The following PPP3CB variants were observed in gnomAD, a reference collection of about 807,000 sequenced individuals.
PPP3CB encodes the protein protein phosphatase 3 catalytic subunit beta, also known as serine/threonine-protein phosphatase 2B catalytic subunit beta isoform.
A neutral mutation model predicts 66.4 loss-of-function variants in PPP3CB; 8 were observed. The ratio of observed to expected loss-of-function variants is 0.12; its 90% CI spans 0.07 to 0.22. The LOEUF (loss-of-function observed/expected upper bound fraction) is 0.22. Ranked by LOEUF, PPP3CB falls within the 10% of genes least tolerant of loss-of-function variation. PPP3CB has a pLI of 1.00. For missense variants in PPP3CB, 319 were observed against 642.5 expected (o/e 0.50, Z 5.44); for synonymous variants, 208 against 221.2 (o/e 0.94, Z 0.53).
At chr10:73,467,493 G>C in intron 9 of PPP3CB, 60 bp downstream of exon 9, 1 of 1,315,046 alleles carries the variant, frequency 7.6e-7, no homozygotes, top group African/African-American at 1.5e-5. Flanking sequence ...GCCTATGATA[G>C]TAAACTGGAG....
At chr10:73,451,936 A>AG (rs900896241) in intron 10 of PPP3CB, among the ~76,000 whole-genome samples, 5 of 151,562 alleles carry the variant, frequency 3.3e-5, no homozygotes, top group Admixed American at 1.3e-4. Context: ...TGGTAGAGAC[A>AG]GGGTTTCACC....
At chr10:73,479,969 C>T (rs1465531637) in intron 1 of PPP3CB, among the ~76,000 whole-genome samples, 1 of 151,986 alleles carries the variant, frequency 6.6e-6, no homozygotes, top group African/African-American at 2.4e-5. Context: ...GGAGACCAGC[C>T]TGGGCAACAC....
chr10:73,452,529 C>T (rs1472822910), intron 10 of PPP3CB, among the ~76,000 whole-genome samples: 1 of 151,982 alleles, frequency 6.6e-6, no homozygotes, highest in African/African-American at 2.4e-5. Flanking sequence ...AACCCCATCT[C>T]TACTAAAAAT....
At position 73,471,490 on chromosome 10, in the gene PPP3CB, T is replaced by C; in HGVS notation, c.647A>G (p.His216Arg). The C allele has an allele frequency of 3.1e-6, 5 of 1,610,510 alleles. No homozygotes were observed. The highest frequency in any genetic ancestry group is 1.1e-5 in the South Asian group (1 of 90,070). ...CVHGGLSPEIHTLDDIRRLDR... is the reference protein window; with the variant it reads ...CVHGGLSPEIRTLDDIRRLDR... ...TACTCTCCTAATATCATCCAGTGTG[T>C]GTATTTCTGGTGAAAGTCCACCATG... is the stretch of plus-strand genomic sequence containing the variant. The change falls in exon 5 of 14, where the codon CAC becomes CGC. Residue 216 changes from histidine (H) to arginine (R), a missense_variant. This residue lies in a region of PPP3CB where 19 missense variants were observed against 17.0 expected (regional missense o/e 1.12). Transcript: ENST00000360663.
intron 1 of PPP3CB, among the ~76,000 whole-genome samples, chr10:73,493,272 T>C (rs2057108677): frequency 1.5e-5 from 2 of 132,710 alleles, no homozygotes; most frequent in Admixed American, 7.2e-5. Context: ...TGAAACTCCG[T>C]CTCAAAAAAA....
intron 12 of PPP3CB, among the ~76,000 whole-genome samples, chr10:73,441,824 T>A (rs2056154669): frequency 6.6e-6 from 1 of 152,096 alleles, no homozygotes; most frequent in African/African-American, 2.4e-5. Context: ...AAAATCCACC[T>A]CCAATAGAGT....
At chr10:73,462,331 C>G (rs1042083056) in intron 9 of PPP3CB, among the ~76,000 whole-genome samples, 1 of 151,396 alleles carries the variant, frequency 6.6e-6, no homozygotes, top group Non-Finnish European at 1.5e-5. Flanking sequence ...GCCCTCTTTT[C>G]TTTATACAAT....
Position 73,495,924 on chromosome 10 carries a change from G to A in PPP3CB, c.-35C>T. ...GGGGCTCGGCTAGGCTCTGGGCCGG[G>A]CGGGGTTGGGGGCGGGGGCGGCGGC... On this transcript the variant is annotated 5_prime_UTR_variant, in exon 1 of 14. Transcript: ENST00000360663. The A allele has an allele frequency of 9.1e-7, 1 of 1,095,288 alleles. No homozygotes were observed. Among genetic ancestry groups the A allele is most frequent in the Non-Finnish European group, 1.2e-6 (1 of 866,950 alleles). 67.8% of individuals were successfully genotyped at this position (1,095,288 alleles called of 1,614,324 possible). A position where few individuals can be genotyped will look rare whatever the true frequency, so the allele number is the denominator to read the frequency against.
chr10:73,442,712 T>C (rs755366881), intron 12 of PPP3CB, among the ~76,000 whole-genome samples: 4 of 151,728 alleles, frequency 2.6e-5, no homozygotes, highest in Non-Finnish European at 4.4e-5. Flanking sequence ...TCAAAGCAGG[T>C]TGTTTTTTTT....
intron 9 of PPP3CB, among the ~76,000 whole-genome samples, chr10:73,460,296 CACAGT>C (rs1413184488): frequency 7.2e-6 from 1 of 139,082 alleles, no homozygotes; most frequent in African/African-American, 2.8e-5. Flanking sequence ...AAAGTCACAG[CACAGT>C]AGTTAGAAAA....
At chr10:73,443,266 GAGAAAGAAAGAAAGAAAGACAGAAAGAA>G (rs2056184874) in intron 12 of PPP3CB, among the ~76,000 whole-genome samples, 3 of 64,518 alleles carry the variant, frequency 4.6e-5, no homozygotes, top group African/African-American at 8.9e-5. Flanking sequence ...GAGAGAGAGA[GAGAAAGAAAGAAAGAAAGACAGAAAGAA>G]AGAAAGAAAG....
At chr10:73,488,552 TAAA>T (rs74262587) in intron 1 of PPP3CB, among the ~76,000 whole-genome samples, 30 of 84,710 alleles carry the variant, frequency 3.5e-4, no homozygotes, top group Non-Finnish European at 4.2e-4. Context: ...TCTTGAGGGT[TAAA>T]AAAAAAAAAA....
chr10:73,453,323 T>C (rs1460940742), intron 10 of PPP3CB, among the ~76,000 whole-genome samples: 1 of 150,860 alleles, frequency 6.6e-6, no homozygotes, highest in Non-Finnish European at 1.5e-5. Context: ...AAAGCTATTA[T>C]ACAAATATGT....
chr10:73,464,307 T>C (rs2056581469), intron 9 of PPP3CB, among the ~76,000 whole-genome samples: 1 of 152,156 alleles, frequency 6.6e-6, no homozygotes, highest in African/African-American at 2.4e-5. Context: ...CATCTTATTA[T>C]CATTATTTAT....
intron 9 of PPP3CB, among the ~76,000 whole-genome samples, chr10:73,464,382 A>T (rs2056582639): frequency 6.6e-6 from 1 of 152,176 alleles, no homozygotes; most frequent in South Asian, 2.1e-4. Context: ...TTTCCTTGGT[A>T]CCTTGAATAA....
rs539728108 is a variant in PPP3CB at position 73,443,294 on chromosome 10, A to C, written c.1366+1431T>G. 4.3e-3 allele frequency among the ~76,000 whole-genome samples: 564 copies of C among 131,768 alleles called. 2 individuals carry two copies. The highest frequency in any genetic ancestry group is 0.016 in the African/African-American group (452 of 28,586). 86.4% of individuals were successfully genotyped at this position (131,768 alleles called of 152,430 possible). On this transcript the variant is annotated intron_variant, in intron 12 of 13. Coordinates refer to ENST00000360663, the MANE Select transcript of PPP3CB (RefSeq NM_021132.4). Reference sequence around the variant, plus strand: ...AAAGAAAGAAAGAAAGACAGAAAGAAAGAAAGAAAGAAAGAAAGAAAGAAA... The same window carrying C: ...AAAGAAAGAAAGAAAGACAGAAAGACAGAAAGAAAGAAAGAAAGAAAGAAA...
At chr10:73,479,863 C>T (rs1221709164) in intron 1 of PPP3CB, among the ~76,000 whole-genome samples, 2 of 151,994 alleles carry the variant, frequency 1.3e-5, no homozygotes, top group African/African-American at 2.4e-5. Context: ...AAATGAAGTA[C>T]AATAAATATA....
intron 1 of PPP3CB, among the ~76,000 whole-genome samples, chr10:73,491,556 C>T (rs532939533): frequency 6.6e-6 from 1 of 152,242 alleles, no homozygotes; most frequent in South Asian, 2.1e-4. Flanking sequence ...GATAAGTCCA[C>T]AAAATAGACT....
At chr10:73,473,768 A>G (rs753364159) in intron 4 of PPP3CB, among the ~76,000 whole-genome samples, 1 of 152,198 alleles carries the variant, frequency 6.6e-6, no homozygotes, top group South Asian at 2.1e-4. Flanking sequence ...CATTGCTATA[A>G]TAATTTGAGA....
Sources: gnomAD v4.1 joint callset for allele counts (sites outside exome capture counted in the v4.1 genomes callset) on GRCh38, gnomAD v4.1.1 for gene constraint, gnomAD v4.1.1 regional missense constraint, MANE v1.5 for transcripts, NCBI Gene and HGNC (gene_info 2026-07-23, HGNC 2026-07-21) for gene names.